The following CAST variants were observed in gnomAD, a reference collection of about 807,000 sequenced individuals.
CAST encodes MIR583 host.
A neutral mutation model predicts 119.6 loss-of-function variants in CAST; 76 were observed. That is an observed-to-expected ratio of 0.64 (90% confidence interval 0.53 to 0.77). CAST has a LOEUF of 0.77. CAST is among the 30% of genes least tolerant of loss of function. The pLI is 0.00. For synonymous variants in CAST, 319 were observed against 331.6 expected, an observed-to-expected ratio of 0.96 and a Z score of 0.41; for missense variants, 953 against 946.5, an observed-to-expected ratio of 1.01 and a Z score of -0.09.
At chr5:96,445,151 G>A in the CAST span, among the ~76,000 whole-genome samples, 1 of 152,208 alleles carries the variant, frequency 6.6e-6, no homozygotes, top group Admixed American at 6.5e-5. Context: ...GTGTTTCAGT[G>A]TGAAGCCTCC....
At chr5:96,124,782 G>A in the CAST span, among the ~76,000 whole-genome samples, 1 of 152,142 alleles carries the variant, frequency 6.6e-6, no homozygotes, top group African/African-American at 2.4e-5. Context: ...TGTTAGATAA[G>A]TTAGTAAGAG....
intron 1 of CAST, among the ~76,000 whole-genome samples, chr5:96,647,220 C>G (rs1402000985): frequency 6.6e-6 from 1 of 152,156 alleles, no homozygotes; most frequent in Non-Finnish European, 1.5e-5. Context: ...CAACCGGAGT[C>G]CTTAGGTTTC....
At chr5:96,103,879 T>C in the CAST span, among the ~76,000 whole-genome samples, 10 of 151,736 alleles carry the variant, frequency 6.6e-5, no homozygotes, top group South Asian at 2.1e-3. Context: ...CCTGACTTTT[T>C]AATGATTGCC....
chr5:95,990,094 C>T, the CAST span, among the ~76,000 whole-genome samples: 1 of 152,060 alleles, frequency 6.6e-6, no homozygotes, highest in Non-Finnish European at 1.5e-5. Flanking sequence ...CTAGAGCATT[C>T]ATGTTAAAAA....
chr5:96,141,437 C>T, the CAST span, among the ~76,000 whole-genome samples: 42 of 152,112 alleles, frequency 2.8e-4, no homozygotes, highest in African/African-American at 9.2e-4. Context: ...TTTGTGTGGC[C>T]ACCAGCTAAA....
At chr5:96,326,468 T>C in the CAST span, among the ~76,000 whole-genome samples, 1 of 152,170 alleles carries the variant, frequency 6.6e-6, no homozygotes, top group Non-Finnish European at 1.5e-5. Context: ...TCCCACATAA[T>C]TTTATCTGTC....
chr5:96,091,782 GC>G, the CAST span, among the ~76,000 whole-genome samples: 1 of 152,262 alleles, frequency 6.6e-6, no homozygotes, highest in Admixed American at 6.5e-5. Flanking sequence ...GGGATTACAG[GC>G]ATGAGCCATC....
chr5:96,669,701 A>G (rs1479880226), intron 1 of CAST, among the ~76,000 whole-genome samples: 9 of 152,210 alleles, frequency 5.9e-5, no homozygotes, highest in Non-Finnish European at 1.2e-4. Context: ...TCACTGACCA[A>G]TCAGAGTTTA....
At chr5:95,974,645 T>G in the CAST span, among the ~76,000 whole-genome samples, 1 of 152,226 alleles carries the variant, frequency 6.6e-6, no homozygotes, top group African/African-American at 2.4e-5. Context: ...AGGGGATAGC[T>G]TCACATATCT....
chr5:96,172,365 T>C, the CAST span, among the ~76,000 whole-genome samples: 1 of 152,264 alleles, frequency 6.6e-6, no homozygotes, highest in Non-Finnish European at 1.5e-5. Flanking sequence ...CATCTGGATG[T>C]ATACGTGCAG....
chr5:96,510,799 AT>A, the CAST span, among the ~76,000 whole-genome samples: 1 of 152,268 alleles, frequency 6.6e-6, no homozygotes, highest in Non-Finnish European at 1.5e-5. Context: ...AAATGACATT[AT>A]GTCTGATATT....
At chr5:96,350,614 G>A in the CAST span, among the ~76,000 whole-genome samples, 3 of 152,064 alleles carry the variant, frequency 2.0e-5, no homozygotes, top group African/African-American at 7.2e-5. Flanking sequence ...AATAAAATAG[G>A]AGGCAGGTTT....
the CAST span, among the ~76,000 whole-genome samples, chr5:96,191,308 A>T: frequency 2.0e-5 from 3 of 152,262 alleles, no homozygotes; most frequent in Non-Finnish European, 4.4e-5. Flanking sequence ...ATGTCCCAAT[A>T]TTAACAGACA....
chr5:96,655,018 C>T (rs1748140025), intron 1 of CAST, among the ~76,000 whole-genome samples: 1 of 152,180 alleles, frequency 6.6e-6, no homozygotes, highest in Admixed American at 6.5e-5. Flanking sequence ...TGATGTATAG[C>T]TCTATCTTTA....
chr5:96,430,880 A>G, the CAST span, among the ~76,000 whole-genome samples: 1 of 152,162 alleles, frequency 6.6e-6, no homozygotes, highest in South Asian at 2.1e-4. Context: ...TCCTCCCAAG[A>G]ATGATGATGT....
At chr5:96,662,307 T>TC (rs1393009471), upstream of CAST, 3 of 1,125,586 alleles carry the variant, frequency 2.7e-6, no homozygotes, top group African/African-American at 7.9e-5. Flanking sequence ...CATCGCCCGC[T>TC]CCCGGGCCCT....
chr5:96,278,790 A>T, the CAST span: 1 of 152,248 alleles, frequency 6.6e-6, no homozygotes, highest in African/African-American at 2.4e-5. Flanking sequence ...ATGTATGCAC[A>T]TGCATTCATA....
chr5:96,591,545 T>C (rs1034707864), intron 1 of CAST, among the ~76,000 whole-genome samples: 2 of 152,168 alleles, frequency 1.3e-5, no homozygotes, highest in African/African-American at 4.8e-5. Context: ...GCAATTAATC[T>C]ATAAAAAAGA....
At chr5:96,548,229 G>C (rs1746053521) in intron 1 of CAST, among the ~76,000 whole-genome samples, 2 of 152,176 alleles carry the variant, frequency 1.3e-5, no homozygotes, top group South Asian at 4.1e-4. Context: ...TTCTCAATGA[G>C]GCAACAAGAC....
Sources: allele counts gnomAD v4.1 joint callset (sites outside exome capture counted in the v4.1 genomes callset), GRCh38; gene constraint gnomAD v4.1.1; transcripts MANE v1.5; gene names NCBI Gene and HGNC (gene_info 2026-07-23, HGNC 2026-07-21).